The following MAF variants were observed in gnomAD, a reference collection of about 807,000 sequenced individuals.
MAF encodes the protein MAF bZIP transcription factor, also known as transcription factor Maf.
A neutral mutation model predicts 22.0 loss-of-function variants in MAF; 10 were observed. The ratio of observed to expected loss-of-function variants is 0.45; its 90% CI spans 0.28 to 0.77. The LOEUF is 0.77. Ranked by LOEUF, MAF falls within the 30% of genes least tolerant of loss-of-function variation. MAF has a pLI of 0.12. For missense variants in MAF, 544 were observed against 548.4 expected, an observed-to-expected ratio of 0.99 and a Z score of 0.08; for synonymous variants, 337 against 255.8, an observed-to-expected ratio of 1.32 and a Z score of -3.03.
At chr16:79,400,831 T>C in the MAF span, among the ~76,000 whole-genome samples, 3 of 152,248 alleles carry the variant, frequency 2.0e-5, no homozygotes, top group Admixed American at 6.5e-5. Context: ...CCTTTTGTTA[T>C]TGGGAATGAA....
chr16:79,305,975 A>C, the MAF span, among the ~76,000 whole-genome samples: 1 of 152,174 alleles, frequency 6.6e-6, no homozygotes, highest in African/African-American at 2.4e-5. Flanking sequence ...CAAGCTCTGC[A>C]TGCCCCTCTT....
chr16:79,335,061 TGTAGTCC>T, the MAF span, among the ~76,000 whole-genome samples: 1 of 151,736 alleles, frequency 6.6e-6, no homozygotes, highest in African/African-American at 2.4e-5. Context: ...GGCGTGTGCC[TGTAGTCC>T]CAGCTACTCG....
the MAF span, among the ~76,000 whole-genome samples, chr16:79,390,383 A>G: frequency 6.6e-6 from 1 of 152,120 alleles, no homozygotes; most frequent in African/African-American, 2.4e-5. Context: ...ATTCCTGACC[A>G]CTTTAATAGC....
At chr16:79,216,911 G>A in the MAF span, among the ~76,000 whole-genome samples, 21 of 151,726 alleles carry the variant, frequency 1.4e-4, no homozygotes, top group African/African-American at 5.1e-4. Context: ...CGGGGTTCAA[G>A]AGATTCTCCT....
chr16:79,498,248 C>A, the MAF span, among the ~76,000 whole-genome samples: 1 of 152,108 alleles, frequency 6.6e-6, no homozygotes, highest in Middle Eastern at 3.2e-3. Context: ...TGTAAAGGGC[C>A]ACGTGGTCTC....
the MAF span, among the ~76,000 whole-genome samples, chr16:79,400,353 A>G: frequency 6.6e-6 from 1 of 152,178 alleles, no homozygotes. Flanking sequence ...GCCTTGGACC[A>G]TTTCTGAACA....
the MAF span, among the ~76,000 whole-genome samples, chr16:79,240,487 G>GAAAA: frequency 5.6e-4 from 34 of 60,728 alleles, 3 homozygotes; most frequent in East Asian, 1.0e-3. Context: ...AGCATCTCTG[G>GAAAA]AAAAAAAAAA....
At chr16:79,500,142 G>A in the MAF span, among the ~76,000 whole-genome samples, 1 of 152,194 alleles carries the variant, frequency 6.6e-6, no homozygotes, top group African/African-American at 2.4e-5. Flanking sequence ...AGACGGTCTG[G>A]CCTCCAGGAC....
chr16:79,221,709 TTGTG>T, the MAF span, among the ~76,000 whole-genome samples: 2 of 151,856 alleles, frequency 1.3e-5, no homozygotes, highest in Admixed American at 6.6e-5. Flanking sequence ...GTGTATGTGA[TTGTG>T]TATGTGTGTG....
chr16:79,470,437 C>T, the MAF span, among the ~76,000 whole-genome samples: 2 of 152,198 alleles, frequency 1.3e-5, no homozygotes, highest in Non-Finnish European at 2.9e-5. Flanking sequence ...GCCCACTCCA[C>T]TGTGGGCTAG....
At chr16:79,372,010 T>C in the MAF span, among the ~76,000 whole-genome samples, 1 of 151,816 alleles carries the variant, frequency 6.6e-6, no homozygotes, top group South Asian at 2.1e-4. Flanking sequence ...AGGTAAGCCA[T>C]GTGGAATCAC....
chr16:79,416,970 C>T, the MAF span, among the ~76,000 whole-genome samples: 2 of 152,128 alleles, frequency 1.3e-5, no homozygotes, highest in Admixed American at 6.5e-5. Flanking sequence ...ACCAGCACAC[C>T]AGCTTTATAT....
At chr16:79,550,600 A>T in the MAF span, among the ~76,000 whole-genome samples, 1 of 152,186 alleles carries the variant, frequency 6.6e-6, no homozygotes, top group African/African-American at 2.4e-5. Context: ...GTCAAGGGCC[A>T]CCTGGCAGAC....
chr16:79,568,149 G>T, the MAF span, among the ~76,000 whole-genome samples: 1 of 152,162 alleles, frequency 6.6e-6, no homozygotes, highest in African/African-American at 2.4e-5. Context: ...AAATCCAGTC[G>T]CTAAAATCCA....
chr16:79,528,129 G>A, the MAF span, among the ~76,000 whole-genome samples: 15 of 152,098 alleles, frequency 9.9e-5, no homozygotes, highest in African/African-American at 1.2e-4. Context: ...GCAACAGAGC[G>A]TGACTCTGTC....
chr16:79,587,446 G>C (rs958921996), intron 1 of MAF, among the ~76,000 whole-genome samples: 1 of 151,628 alleles, frequency 6.6e-6, no homozygotes. Flanking sequence ...TTAATCTTTA[G>C]AAACAACAGA....
the MAF span, among the ~76,000 whole-genome samples, chr16:79,370,480 T>C: frequency 1.3e-5 from 2 of 152,288 alleles, no homozygotes; most frequent in South Asian, 4.2e-4. Context: ...ACAAAACCAT[T>C]CTTGTGACTC....
chr16:79,532,477 A>C, the MAF span, among the ~76,000 whole-genome samples: 4 of 152,242 alleles, frequency 2.6e-5, no homozygotes, highest in Admixed American at 6.5e-5. Context: ...CCAATCATTC[A>C]ATCTGATAGG....
the MAF span, among the ~76,000 whole-genome samples, chr16:79,431,522 G>A: frequency 1.3e-5 from 2 of 152,250 alleles, no homozygotes; most frequent in Non-Finnish European, 2.9e-5. Flanking sequence ...TGGTAAGTTT[G>A]AGCAAATCAT....
Sources: gnomAD v4.1 joint callset for allele counts (sites outside exome capture counted in the v4.1 genomes callset) on GRCh38, gnomAD v4.1.1 for gene constraint, MANE v1.5 for transcripts, NCBI Gene and HGNC (gene_info 2026-07-23, HGNC 2026-07-21) for gene names.